The following EEFSEC variants were observed in gnomAD, a reference collection of about 807,000 sequenced individuals.
The protein encoded by EEFSEC is eukaryotic elongation factor, selenocysteine-tRNA specific.
In EEFSEC, 43 loss-of-function variants were observed where a neutral mutation model predicts 42.1. That is an observed-to-expected ratio of 1.02 (90% CI 0.80 to 1.32). The LOEUF (loss-of-function observed/expected upper bound fraction) is 1.32, where lower values mean the gene tolerates loss of function less well. EEFSEC is among the 40% of genes most tolerant of loss of function. The probability of loss-of-function intolerance (pLI) is 0.00; values close to 1 mark genes in which losing one functional copy is unlikely to be tolerated. For missense variants in EEFSEC, 745 were observed against 803.6 expected (o/e 0.93, Z 0.88); for synonymous variants, 354 against 339.1 (o/e 1.04, Z -0.48).
chr3:128,417,602 G>A, the EEFSEC span, among the ~76,000 whole-genome samples: 3 of 152,168 alleles, frequency 2.0e-5, no homozygotes, highest in South Asian at 6.2e-4. The surrounding 1 kb of genome is among the most constrained non-coding windows in gnomAD (Gnocchi z 4.3). Flanking sequence ...AGGGACAGGG[G>A]TTTCTGTCCT....
rs184683823 is a variant in EEFSEC, at chr3:128,232,893, G to A, written c.317-13943G>A. ...GCGACATAAGCAGCCATCACCCCCC[G>A]GACTCCTTGGCCCTGACAGGAGCTT... On this transcript the variant is annotated intron_variant, in intron 1 of 6. Transcript: ENST00000254730. Among the ~76,000 whole-genome samples, 6 of 152,260 alleles carry A rather than the reference G, an allele frequency of 3.9e-5. No homozygotes were observed. In the East Asian group the frequency reaches 5.8e-4, roughly 15 times the overall value.
intron 3 of EEFSEC, among the ~76,000 whole-genome samples, chr3:128,264,105 C>G (rs1024092201): frequency 6.6e-6 from 1 of 152,122 alleles, no homozygotes; most frequent in African/African-American, 2.4e-5. Flanking sequence ...GCAGTACAGG[C>G]GAGGCTCAGC....
At chr3:128,198,685 C>CT (rs2065612393) in intron 1 of EEFSEC, among the ~76,000 whole-genome samples, 2 of 152,142 alleles carry the variant, frequency 1.3e-5, no homozygotes, top group Admixed American at 6.6e-5. Flanking sequence ...AAAGAATGGT[C>CT]TTTAAGAGTG....
At chr3:128,322,117 C>T (rs764124558) in intron 4 of EEFSEC, among the ~76,000 whole-genome samples, 11 of 152,214 alleles carry the variant, frequency 7.2e-5, no homozygotes, top group Non-Finnish European at 1.0e-4. Flanking sequence ...GCAGTTTCCC[C>T]ATGAATTGAG....
At chr3:128,169,882 G>C (rs1258512439) in intron 1 of EEFSEC, among the ~76,000 whole-genome samples, 3 of 152,214 alleles carry the variant, frequency 2.0e-5, no homozygotes, top group Non-Finnish European at 4.4e-5. Context: ...GCCTCACAGA[G>C]CACAGGCCCT....
intron 6 of EEFSEC, among the ~76,000 whole-genome samples, chr3:128,388,937 A>G (rs905951199): frequency 2.6e-5 from 4 of 152,222 alleles, no homozygotes; most frequent in African/African-American, 9.6e-5. Context: ...TTTCTGGGTC[A>G]GGAGCCTGAG....
At chr3:128,374,366 G>C (rs1267805156) in intron 6 of EEFSEC, among the ~76,000 whole-genome samples, 1 of 152,164 alleles carries the variant, frequency 6.6e-6, no homozygotes, top group Non-Finnish European at 1.5e-5. Flanking sequence ...CTACTGGTCA[G>C]GTACCTACAA....
chr3:128,323,195 C>G (rs958786375), intron 4 of EEFSEC, among the ~76,000 whole-genome samples: 12 of 152,190 alleles, frequency 7.9e-5, no homozygotes, highest in Non-Finnish European at 8.8e-5. Context: ...CTAAATCTCT[C>G]CAGATAACCA....
intron 6 of EEFSEC, among the ~76,000 whole-genome samples, chr3:128,361,258 G>T (rs1346145980): frequency 1.3e-5 from 2 of 152,202 alleles, no homozygotes; most frequent in Non-Finnish European, 2.9e-5. Flanking sequence ...AGGCCAAGCA[G>T]GTGTTGAAGA....
intron 1 of EEFSEC, among the ~76,000 whole-genome samples, chr3:128,235,177 G>A (rs1328415566): frequency 6.6e-6 from 1 of 151,864 alleles, no homozygotes; most frequent in African/African-American, 2.4e-5. Context: ...TGATTCTCCT[G>A]CCTCAGCCTC....
At chr3:128,377,797 T>C (rs1352258719) in intron 6 of EEFSEC, among the ~76,000 whole-genome samples, 1 of 152,242 alleles carries the variant, frequency 6.6e-6, no homozygotes, top group Non-Finnish European at 1.5e-5. Flanking sequence ...GCAAAGTGTT[T>C]CCCAAAAGTA....
the EEFSEC span, among the ~76,000 whole-genome samples, chr3:128,416,332 G>A: frequency 6.6e-6 from 1 of 152,076 alleles, no homozygotes; most frequent in Non-Finnish European, 1.5e-5. Flanking sequence ...GGCCCACCCT[G>A]CAGGACCTCC....
intron 1 of EEFSEC, among the ~76,000 whole-genome samples, chr3:128,244,743 T>A (rs2066109376): frequency 6.6e-6 from 1 of 152,100 alleles, no homozygotes; most frequent in South Asian, 2.1e-4. Flanking sequence ...TCGAAGCAAA[T>A]ACTTATGCAG....
chr3:128,422,156 G>A, the EEFSEC span, among the ~76,000 whole-genome samples: 5 of 152,126 alleles, frequency 3.3e-5, no homozygotes, highest in African/African-American at 1.2e-4. Flanking sequence ...CAACTGCAGA[G>A]CCTGGGCCAG....
intron 4 of EEFSEC, among the ~76,000 whole-genome samples, chr3:128,333,372 G>T (rs2067154710): frequency 6.6e-6 from 1 of 152,226 alleles, no homozygotes; most frequent in Non-Finnish European, 1.5e-5. Context: ...CTGACAGAAG[G>T]AGTGCCCATG....
At chr3:128,362,608 A>G (rs115844690) in intron 6 of EEFSEC, among the ~76,000 whole-genome samples, 81 of 152,340 alleles carry the variant, frequency 5.3e-4, no homozygotes, top group African/African-American at 1.9e-3. Context: ...TTTAGCATTG[A>G]GGGGCACGCG....
intron 4 of EEFSEC, among the ~76,000 whole-genome samples, chr3:128,309,118 C>T (rs113617622): frequency 2.6e-4 from 39 of 152,248 alleles, no homozygotes; most frequent in African/African-American, 7.0e-4. Flanking sequence ...TATTTGTTCA[C>T]GAGAGGGTGA....
chr3:128,389,984 T>C (rs1447235741), intron 6 of EEFSEC, among the ~76,000 whole-genome samples: 1 of 152,182 alleles, frequency 6.6e-6, no homozygotes, highest in Admixed American at 6.5e-5. Flanking sequence ...TGGATTTGGA[T>C]TTGGGTCCTG....
In EEFSEC at chr3:128,341,691, G is replaced by A. The variant is rs1455486794; in HGVS notation, c.1245G>A (p.Glu415=). ...HCPRQQWALV[E]FEKPVTCPRL... ...CTCGGCAGCAGTGGGCCCTGGTGGAGTTTGAGAAGCCCGTCACCTGCCCTC... is the reference window on the plus strand; with the variant it reads ...CTCGGCAGCAGTGGGCCCTGGTGGAATTTGAGAAGCCCGTCACCTGCCCTC... The change falls in exon 5 of 7, where the codon GAG becomes GAA. Residue 415 remains glutamate, a synonymous_variant. Coordinates refer to ENST00000254730, the MANE Select transcript of EEFSEC (RefSeq NM_021937.5). 1.4e-5 allele frequency: 23 copies of A among 1,614,006 alleles called. No homozygotes were observed. Among genetic ancestry groups the A allele is most frequent in the Non-Finnish European group, 1.9e-5 (22 of 1,180,050 alleles).
Sources: allele counts gnomAD v4.1 joint callset (sites outside exome capture counted in the v4.1 genomes callset), GRCh38; gene constraint gnomAD v4.1.1; non-coding constraint Gnocchi (gnomAD v3.1); transcripts MANE v1.5; gene names NCBI Gene and HGNC (gene_info 2026-07-23, HGNC 2026-07-21).